Variants in CADM2 observed in about 807,000 individuals in gnomAD.
The protein encoded by CADM2 is immunoglobulin superfamily member 4D.
A neutral mutation model predicts 49.8 loss-of-function variants in CADM2; 12 were observed. The observed-to-expected ratio is 0.24, with a 90% CI of 0.15 to 0.39. The LOEUF (loss-of-function observed/expected upper bound fraction) is 0.39, where lower values mean the gene tolerates loss of function less well. CADM2 is among the 10% of genes least tolerant of loss of function. The pLI is 1.00. For missense variants in CADM2, 378 were observed against 492.3 expected (o/e 0.77, Z 2.20); for synonymous variants, 214 against 175.4 (o/e 1.22, Z -1.74).
chr3:85,862,681 C>T (rs1475581960), intron 3 of CADM2, among the ~76,000 whole-genome samples: 1 of 152,204 alleles, frequency 6.6e-6, no homozygotes, highest in Non-Finnish European at 1.5e-5. Flanking sequence ...AGCCAAACTA[C>T]TCTTACTAGA....
intron 1 of CADM2, among the ~76,000 whole-genome samples, chr3:85,642,367 C>T (rs1283201589): frequency 1.3e-5 from 2 of 151,170 alleles, no homozygotes; most frequent in Middle Eastern, 6.5e-3. Context: ...GAAAATAATA[C>T]AATGAAAAAC....
chr3:85,322,000 C>T (rs79773691), intron 1 of CADM2, among the ~76,000 whole-genome samples: 12,046 of 152,182 alleles, frequency 0.079, 913 homozygotes, highest in African/African-American at 0.2. Flanking sequence ...TAATGTTGCT[C>T]ACATAGTATG....
chr3:85,808,232 T>C (rs1161820953), intron 3 of CADM2, among the ~76,000 whole-genome samples: 2 of 152,228 alleles, frequency 1.3e-5, no homozygotes, highest in African/African-American at 4.8e-5. Flanking sequence ...GGAAAATTTA[T>C]AGATCCTTAT....
intron 1 of CADM2, among the ~76,000 whole-genome samples, chr3:85,457,472 G>C (rs976720638): frequency 6.6e-6 from 1 of 151,898 alleles, no homozygotes; most frequent in Non-Finnish European, 1.5e-5. Context: ...TAACACTTGA[G>C]TGTTCATATG....
intron 1 of CADM2, among the ~76,000 whole-genome samples, chr3:85,452,109 G>A (rs1359009336): frequency 6.6e-6 from 1 of 152,090 alleles, no homozygotes; most frequent in Non-Finnish European, 1.5e-5. Context: ...TTTCTAGCAT[G>A]TGATAGATCC....
At chr3:85,264,856 G>C (rs2043088151) in intron 1 of CADM2, among the ~76,000 whole-genome samples, 1 of 151,978 alleles carries the variant, frequency 6.6e-6, no homozygotes, top group Non-Finnish European at 1.5e-5. Context: ...TGTTTGACAA[G>C]AAGTTGGCCA....
At chr3:85,705,497 A>G (rs568309221) in intron 1 of CADM2, among the ~76,000 whole-genome samples, 25 of 152,302 alleles carry the variant, frequency 1.6e-4, no homozygotes, top group African/African-American at 5.5e-4. Flanking sequence ...GAACATGACA[A>G]TACACACTGT....
chr3:84,991,770 G>A (rs2032904540), intron 1 of CADM2, among the ~76,000 whole-genome samples: 1 of 152,120 alleles, frequency 6.6e-6, no homozygotes, highest in Non-Finnish European at 1.5e-5. Context: ...AGTGGGTGAG[G>A]GGATAAACTG....
chr3:85,339,466 CT>C (rs972295741), intron 1 of CADM2, among the ~76,000 whole-genome samples: 3 of 151,488 alleles, frequency 2.0e-5, no homozygotes, highest in African/African-American at 7.2e-5. Context: ...TTCTCTTGGT[CT>C]CCCAAAGAAA....
chr3:85,244,358 T>C (rs2042601798), intron 1 of CADM2, among the ~76,000 whole-genome samples: 1 of 152,132 alleles, frequency 6.6e-6, no homozygotes, highest in African/African-American at 2.4e-5. Flanking sequence ...AAAATAAGCA[T>C]TGATTGAACA....
At chr3:85,481,772 A>G (rs1050177685) in intron 1 of CADM2, among the ~76,000 whole-genome samples, 2 of 151,396 alleles carry the variant, frequency 1.3e-5, no homozygotes, top group Non-Finnish European at 3.0e-5. Context: ...AATCAAAGTG[A>G]AACTTTCTTT....
chr3:85,325,128 T>A (rs190602178), intron 1 of CADM2, among the ~76,000 whole-genome samples: 4 of 152,318 alleles, frequency 2.6e-5, no homozygotes, highest in Admixed American at 6.5e-5. Flanking sequence ...AGCACACAAA[T>A]GAAGTTTTGA....
At chr3:85,828,761 A>G (rs1264074293) in intron 3 of CADM2, among the ~76,000 whole-genome samples, 2 of 151,866 alleles carry the variant, frequency 1.3e-5, no homozygotes, top group African/African-American at 4.8e-5. Flanking sequence ...TACAAACCAT[A>G]TTGTTTTCTC....
intron 1 of CADM2, among the ~76,000 whole-genome samples, chr3:85,460,037 C>A (rs1467194795): frequency 6.6e-6 from 1 of 152,116 alleles, no homozygotes; most frequent in African/African-American, 2.4e-5. Flanking sequence ...ACCTTAGATA[C>A]TGTAAAAAAT....
intron 1 of CADM2, among the ~76,000 whole-genome samples, chr3:85,591,238 C>T (rs2063098869): frequency 6.6e-6 from 1 of 151,898 alleles, no homozygotes; most frequent in Non-Finnish European, 1.5e-5. Context: ...TGCTAAAATT[C>T]TGTGCACTCC....
chr3:85,677,425 G>A (rs750168153), intron 1 of CADM2, among the ~76,000 whole-genome samples: 14 of 152,036 alleles, frequency 9.2e-5, no homozygotes, highest in Admixed American at 2.0e-4. Flanking sequence ...AAGTTACATC[G>A]TATGAACATG....
At chr3:85,871,462 T>TA (rs2075924331) in intron 3 of CADM2, among the ~76,000 whole-genome samples, 1 of 152,178 alleles carries the variant, frequency 6.6e-6, no homozygotes, top group Non-Finnish European at 1.5e-5. Flanking sequence ...TTAAGAGATC[T>TA]ATAGGCTCTA....
At chr3:85,061,796 G>A (rs62250624) in intron 1 of CADM2, among the ~76,000 whole-genome samples, 17,154 of 152,050 alleles carry the variant, frequency 0.11, 1,200 homozygotes, top group East Asian at 0.21. Flanking sequence ...CAATGTAGTC[G>A]ATATATACAT....
chr3:85,686,106 C>A (rs1413442790), intron 1 of CADM2, among the ~76,000 whole-genome samples: 1 of 152,172 alleles, frequency 6.6e-6, no homozygotes, highest in African/African-American at 2.4e-5. Context: ...TGTATACAGG[C>A]AGCTGTTAAT....
Sources: allele counts gnomAD v4.1 joint callset (sites outside exome capture counted in the v4.1 genomes callset), GRCh38; gene constraint gnomAD v4.1.1; transcripts MANE v1.5; gene names NCBI Gene and HGNC (gene_info 2026-07-23, HGNC 2026-07-21).